GABBR2: variants seen among roughly 807,000 people sequenced by gnomAD.
The protein encoded by GABBR2 is G-protein coupled receptor 51.
In GABBR2, 23 loss-of-function variants were observed where a neutral mutation model predicts 105.6. The ratio of observed to expected loss-of-function variants is 0.22; its 90% CI spans 0.16 to 0.31. The LOEUF is 0.31. GABBR2 is among the 10% of genes least tolerant of loss of function. GABBR2 has a pLI of 1.00. For synonymous variants in GABBR2, 478 were observed against 499.7 expected (o/e 0.96, Z 0.58); for missense variants, 734 against 1,245.5 (o/e 0.59, Z 6.18).
chr9:98,592,292 C>A (rs1478219791), intron 1 of GABBR2, among the ~76,000 whole-genome samples: 1 of 152,214 alleles, frequency 6.6e-6, no homozygotes, highest in South Asian at 2.1e-4. Context: ...TTCCAGCCTA[C>A]CAGTGTGTGT....
chr9:98,387,361 A>C (rs1832091912), intron 10 of GABBR2, among the ~76,000 whole-genome samples: 1 of 152,162 alleles, frequency 6.6e-6, no homozygotes, highest in African/African-American at 2.4e-5. Context: ...ATGATGGGGC[A>C]ACTTGCTGTC....
At chr9:98,510,036 C>A (rs1588203429) in intron 3 of GABBR2, among the ~76,000 whole-genome samples, 2 of 152,312 alleles carry the variant, frequency 1.3e-5, no homozygotes, top group East Asian at 3.9e-4. Context: ...TCGGGTTACC[C>A]ACAAAGGGAA....
chr9:98,303,209 A>C (rs768638074), intron 16 of GABBR2, 32 bp downstream of exon 16: 9 of 1,588,142 alleles, frequency 5.7e-6, no homozygotes, highest in Non-Finnish European at 7.8e-6. Flanking sequence ...AGTGGCAGAC[A>C]GGGCCCAGCT....
chr9:98,473,166 T>C lies in GABBR2; in HGVS notation c.979A>G (p.Ile327Val). ...CTGACCTTTCCTGAGATGGTCTTGA[T>C]CTGCTTGGAGCTCAGGGGCTCGAAA... ...VDFEPLSSKQIKTISGKTPQQ... is the reference protein window; with the variant it reads ...VDFEPLSSKQVKTISGKTPQQ... Residue 327 changes from isoleucine (I) to valine (V), a missense_variant, in exon 6 of 19, where the codon ATC becomes GTC. Ile to Val is a conservative substitution (Grantham distance 29). Around this residue, in one of 7 missense-constraint regions of GABBR2, gnomAD observed 370 missense variants for 648.9 expected, o/e 0.57. Coordinates refer to ENST00000259455, the MANE Select transcript of GABBR2 (RefSeq NM_005458.8). 4 of 1,613,690 alleles carry C rather than the reference T, an allele frequency of 2.5e-6. No individual in the cohort carries two copies. The highest frequency in any genetic ancestry group is 3.4e-6 in the Non-Finnish European group (4 of 1,179,788).
intron 11 of GABBR2, among the ~76,000 whole-genome samples, chr9:98,384,501 A>G (rs2131486956): frequency 6.6e-6 from 1 of 152,230 alleles, no homozygotes; most frequent in Non-Finnish European, 1.5e-5. Flanking sequence ...GAGGCAGGAG[A>G]ATCACTTGAA....
At chr9:98,669,974 C>T (rs567677352) in intron 1 of GABBR2, among the ~76,000 whole-genome samples, 34 of 100,510 alleles carry the variant, frequency 3.4e-4, no homozygotes, top group African/African-American at 1.1e-3. Context: ...GCGACCAGGG[C>T]GGGGGTGGGA....
chr9:98,345,133 C>T (rs1193636798), intron 13 of GABBR2, among the ~76,000 whole-genome samples: 1 of 152,156 alleles, frequency 6.6e-6, no homozygotes. Flanking sequence ...ACATAGCTCT[C>T]AAATCCACAC....
At chr9:98,566,855 AAAG>A (rs757625488) in intron 2 of GABBR2, among the ~76,000 whole-genome samples, 58 of 151,630 alleles carry the variant, frequency 3.8e-4, no homozygotes, top group Non-Finnish European at 5.6e-4. Context: ...AAAGAAGAAG[AAAG>A]AAGAAGAAGA....
chr9:98,290,571 A>G lies in GABBR2; in HGVS notation c.*13T>C. On this transcript the variant is annotated 3_prime_UTR_variant, in exon 19 of 19. Transcript: ENST00000259455. ...CTGTCACGGGGGAGGCCCCGGGCCC[A>G]GGCCTCCCACCCTTACAGGCCCGAG... The G allele has an allele frequency of 7.3e-7, 1 of 1,361,506 alleles. No individual in the cohort carries two copies. Among genetic ancestry groups the G allele is most frequent in the Non-Finnish European group, 9.5e-7 (1 of 1,053,612 alleles). 84.3% of individuals were successfully genotyped at this position (1,361,506 alleles called of 1,614,324 possible). A position where few individuals can be genotyped will look rare whatever the true frequency, so the allele number is the denominator to read the frequency against.
At chr9:98,673,194 G>A (rs1286625766) in intron 1 of GABBR2, among the ~76,000 whole-genome samples, 3 of 152,192 alleles carry the variant, frequency 2.0e-5, no homozygotes, top group Non-Finnish European at 4.4e-5. Flanking sequence ...ATCCAGGGAA[G>A]ATGTGCATCT....
intron 2 of GABBR2, among the ~76,000 whole-genome samples, chr9:98,556,781 G>A (rs901075293): frequency 1.3e-5 from 2 of 152,202 alleles, no homozygotes; most frequent in African/African-American, 2.4e-5. Context: ...TGCGGTGGCT[G>A]ACGCCTGAAT....
intron 6 of GABBR2, among the ~76,000 whole-genome samples, chr9:98,455,666 A>T (rs1826313338): frequency 6.6e-6 from 1 of 152,152 alleles, no homozygotes; most frequent in Admixed American, 6.5e-5. Flanking sequence ...GAAAACCACC[A>T]CAAGTTGTTT....
At chr9:98,371,394 T>C (rs1831779863) in intron 12 of GABBR2, 70 bp downstream of exon 12, 3 of 828,916 alleles carry the variant, frequency 3.6e-6, no homozygotes, top group South Asian at 1.5e-5. Context: ...GCCTGGAATA[T>C]AGTATATACT....
At chr9:98,432,189 C>G (rs756433032) in intron 7 of GABBR2, among the ~76,000 whole-genome samples, 1 of 152,154 alleles carries the variant, frequency 6.6e-6, no homozygotes, top group Non-Finnish European at 1.5e-5. Flanking sequence ...AGTCACTGCA[C>G]CCGGCTCAAG....
At chr9:98,655,920 C>T (rs1830177645) in intron 1 of GABBR2, among the ~76,000 whole-genome samples, 2 of 152,120 alleles carry the variant, frequency 1.3e-5, no homozygotes, top group African/African-American at 4.8e-5. Context: ...ACCACCATGG[C>T]AGGTGTATAC....
intron 3 of GABBR2, among the ~76,000 whole-genome samples, chr9:98,535,092 TA>T (rs1303240499): frequency 4.6e-5 from 7 of 152,080 alleles, no homozygotes; most frequent in Non-Finnish European, 7.4e-5. Flanking sequence ...GAATTGAGGA[TA>T]TTTTTTTTCA....
intron 1 of GABBR2, among the ~76,000 whole-genome samples, chr9:98,682,501 A>G (rs568322951): frequency 1.2e-4 from 18 of 149,194 alleles, no homozygotes; most frequent in African/African-American, 4.2e-4. Flanking sequence ...TCAGCCTCCC[A>G]AGTAGCTGGG....
chr9:98,414,080 T>G (rs1188591433), intron 7 of GABBR2, among the ~76,000 whole-genome samples: 2 of 152,198 alleles, frequency 1.3e-5, no homozygotes, highest in Non-Finnish European at 2.9e-5. Flanking sequence ...CTAGATTGCA[T>G]GAAGTGTAGG....
intron 1 of GABBR2, chr9:98,607,066 C>A: frequency 6.8e-7 from 1 of 1,464,766 alleles, no homozygotes; most frequent in South Asian, 1.1e-5. Flanking sequence ...TACAGAAAAT[C>A]AGTTAAGAGA....
Sources: allele counts gnomAD v4.1 joint callset (sites outside exome capture counted in the v4.1 genomes callset), GRCh38; gene constraint gnomAD v4.1.1; regional missense constraint gnomAD v4.1.1; transcripts MANE v1.5; gene names NCBI Gene and HGNC (gene_info 2026-07-23, HGNC 2026-07-21).